KIF7: variants seen among roughly 807,000 people sequenced by gnomAD.
KIF7 encodes the protein kinesin family member 7.
In KIF7, 104 loss-of-function variants were observed where a neutral mutation model predicts 135.7. The ratio of observed to expected loss-of-function variants is 0.77; its 90% CI spans 0.65 to 0.90. KIF7 has a LOEUF of 0.90. KIF7 is among the 40% of genes least tolerant of loss of function. The pLI is 0.00. For synonymous variants in KIF7, 883 were observed against 809.4 expected (o/e 1.09, Z -1.54); for missense variants, 2,005 against 1,839.1 (o/e 1.09, Z -1.65).
downstream of KIF7, chr15:89,624,769 G>A (rs763157317): frequency 6.2e-7 from 1 of 1,614,086 alleles, no homozygotes; most frequent in Admixed American, 1.7e-5. Flanking sequence ...ATCAGTGGAA[G>A]AGGGTGAGGG....
intron 1 of KIF7, among the ~76,000 whole-genome samples, chr15:89,653,602 G>A (rs899750033): frequency 6.6e-6 from 1 of 152,136 alleles, no homozygotes; most frequent in African/African-American, 2.4e-5. Flanking sequence ...TCTTGAGACA[G>A]GGTCTCTCTC....
In KIF7 at chr15:89,635,553, G is replaced by A. The variant is rs181302575; in HGVS notation, c.2395-1670C>T. Among the ~76,000 whole-genome samples the A allele has an allele frequency of 2.0e-3, 303 of 152,292 alleles. 2 individuals are homozygous for A. The highest frequency in any genetic ancestry group is 0.01 in the East Asian group (54 of 5,188). ...ATGCAGAAGCCTCAGGAGCTGATGCGATCAACTGGAAGAAAGGGTATCAGT... is the reference window on the plus strand; with the variant it reads ...ATGCAGAAGCCTCAGGAGCTGATGCAATCAACTGGAAGAAAGGGTATCAGT... On this transcript the variant is annotated intron_variant, in intron 11 of 18. Coordinates refer to ENST00000394412, the MANE Select transcript of KIF7 (RefSeq NM_198525.3).
exon 2 of KIF7, chr15:89,618,134 T>C (rs1963365122): frequency 1.2e-6 from 2 of 1,613,650 alleles, no homozygotes; most frequent in East Asian, 4.5e-5. Context: ...GTAATCCTTG[T>C]GCATGTGGTT....
rs587780374 is a variant in KIF7, at chr15:89,648,539, G to T, written c.1159C>A (p.Arg387Ser). The change falls in exon 5 of 19, where the codon CGC (arginine) becomes AGC (serine). Residue 387 changes from arginine to serine, a missense_variant. Arg to Ser is a moderately radical substitution (Grantham distance 110). Coordinates refer to ENST00000394412, the MANE Select transcript of KIF7 (RefSeq NM_198525.3). The part of the protein sequence containing the change: ...RHRSETRIIH[R>S]GRRAPGPATA... The stretch of plus-strand genomic sequence containing the variant: ...GCTGGGCCTGGGGCGCGCCGGCCGC[G>T]GTGGATGATGCGGGTCTCGGAGCGG... 7.9e-7 allele frequency: 1 copy of T among 1,267,642 alleles called. No homozygotes were observed. The highest frequency in any genetic ancestry group is 4.1e-5 in the Admixed American group (1 of 24,554). 78.5% of individuals were successfully genotyped at this position (1,267,642 alleles called of 1,614,324 possible).
Position 89,630,267 on chromosome 15 carries a change from G to C in KIF7, c.3318+20C>G. The stretch of plus-strand genomic sequence containing the variant: ...CGTGCCGCTGAGGAGGAGCTGGGGG[G>C]CCATGGGCTGCTGGCCCACCTTGTC... On this transcript the variant is annotated intron_variant, in intron 16 of 18. Transcript: ENST00000394412. 1 of 1,610,524 alleles carries C rather than the reference G, an allele frequency of 6.2e-7. No homozygotes were observed. Among genetic ancestry groups the C allele is most frequent in the Non-Finnish European group, 8.5e-7 (1 of 1,177,076 alleles).
At chr15:89,658,953 A>G (rs886099629), upstream of KIF7, among the ~76,000 whole-genome samples, 5 of 152,196 alleles carry the variant, frequency 3.3e-5, no homozygotes, top group African/African-American at 7.2e-5. Context: ...TTAGGGGAGC[A>G]TCATCATACC....
rs1487635952 is a variant in KIF7, at chr15:89,635,607, C to A, written c.2395-1724G>T. Among the ~76,000 whole-genome samples, 17 of 151,910 alleles carry A rather than the reference C, an allele frequency of 1.1e-4. No homozygotes were observed. In the East Asian group the frequency reaches 1.2e-3, roughly 10 times the overall value. The stretch of plus-strand genomic sequence containing the variant: ...GGAATATGAAGTGAATGAAATGAAG[C>A]GAGAAGGGAAGTTTAGAGAAAAAAG... On this transcript the variant is annotated intron_variant, in intron 11 of 18. Coordinates refer to ENST00000394412, the MANE Select transcript of KIF7 (RefSeq NM_198525.3).
intron 17 of KIF7, 72 bp from the exon 18 acceptor site, chr15:89,629,194 G>GCCA: frequency 7.4e-6 from 2 of 269,256 alleles, no homozygotes; most frequent in South Asian, 5.0e-5. Flanking sequence ...TGTGGGGGTG[G>GCCA]GGGCTGTGGG....
chr15:89,656,653 G>T (rs943254501), upstream of KIF7, among the ~76,000 whole-genome samples: 1 of 152,166 alleles, frequency 6.6e-6, no homozygotes, highest in Non-Finnish European at 1.5e-5. Flanking sequence ...CAACTGATTC[G>T]TGTATCACAA....
intron 11 of KIF7, 86 bp from the exon 12 acceptor site, chr15:89,633,969 A>T: frequency 6.9e-7 from 1 of 1,446,466 alleles, no homozygotes; most frequent in Non-Finnish European, 9.7e-7. Flanking sequence ...GGGCAGGCAG[A>T]TAGAGGGCAA....
intron 1 of KIF7, among the ~76,000 whole-genome samples, chr15:89,621,211 G>T (rs571078877): frequency 8.5e-5 from 13 of 152,060 alleles, no homozygotes; most frequent in Admixed American, 7.2e-4. Context: ...AGTAGAGATG[G>T]TGTTTCGCTA....
At chr15:89,655,147 C>T (rs1964188296) in intron 1 of KIF7, among the ~76,000 whole-genome samples, 1 of 152,230 alleles carries the variant, frequency 6.6e-6, no homozygotes, top group Admixed American at 6.5e-5. Context: ...GCAGCCTTGG[C>T]GCTCGCCCCT....
downstream of KIF7, chr15:89,626,003 C>A: frequency 6.2e-7 from 1 of 1,612,048 alleles, no homozygotes; most frequent in Non-Finnish European, 8.5e-7. Flanking sequence ...AGGCTCTGAC[C>A]CAGTCTCCGC....
rs75934760 is a variant in KIF7 at position 89,621,538 on chromosome 15, T to C, written c.181-3343A>G. ...GAAACACTTTGGATTCGGAGGTACC[T>C]GCAGCTTACCAGGTATAATGTTTCT... On this transcript the variant is annotated intron_variant and NMD_transcript_variant, in intron 1 of 2. Transcript: ENST00000558928. The C allele has an allele frequency of 7.3e-3, 11,736 of 1,611,572 alleles. 579 individuals carry two copies. The African/African-American group carries it at 0.12, about 17-fold the overall frequency.
In KIF7 at chr15:89,648,124, T is replaced by C. The variant is rs12906938; in HGVS notation, c.1443+131A>G. On this transcript the variant is annotated intron_variant, in intron 5 of 18. Transcript: ENST00000394412. ...AAGTGACCACGGTAATCAGCAGAAG[T>C]GACCGAATCCCGAACGTGCCCTGCT... 0.65 allele frequency: 869,953 copies of C among 1,341,542 alleles called. 286,114 individuals carry two copies. The highest frequency in any genetic ancestry group is 0.67 in the Non-Finnish European group (704,586 of 1,044,410). 83.1% of individuals were successfully genotyped at this position (1,341,542 alleles called of 1,614,324 possible).
At chr15:89,650,740 GA>G (rs1037441624) in intron 2 of KIF7, among the ~76,000 whole-genome samples, 2 of 151,762 alleles carry the variant, frequency 1.3e-5, no homozygotes, top group Non-Finnish European at 2.9e-5. Flanking sequence ...TAAAAAGTTA[GA>G]TTTTTTTTTT....
In KIF7 at chr15:89,649,176, C is replaced by CCGGGG. The variant is rs1567067864; in HGVS notation, c.716_720dup (p.Gly241ProfsTer83). 1.3e-5 allele frequency: 20 copies of CCGGGG among 1,547,754 alleles called. No homozygotes were observed. The highest frequency in any genetic ancestry group is 4.1e-5 in the African/African-American group (3 of 73,024). On this transcript the variant is annotated frameshift_variant, in exon 4 of 19. Transcript: ENST00000394412. LOFTEE classifies it high-confidence loss of function. ...TGGAACTTGGAGACGAGCAGCTGGC[C>CCGGGG]CGGGGCGGGGCGGGGTAGGCGGCTG...
downstream of KIF7, chr15:89,623,781 A>G: frequency 6.2e-7 from 1 of 1,613,970 alleles, no homozygotes; most frequent in Non-Finnish European, 8.5e-7. Context: ...AGGAGTCCTT[A>G]AAAGACTCCT....
chr15:89,625,050 C>T (rs1963494173), downstream of KIF7: 4 of 1,613,922 alleles, frequency 2.5e-6, no homozygotes, highest in African/African-American at 1.3e-5. Context: ...AGATAGACCC[C>T]AGCTCTTCAT....
Sources: allele counts gnomAD v4.1 joint callset (sites outside exome capture counted in the v4.1 genomes callset), GRCh38; gene constraint gnomAD v4.1.1; transcripts MANE v1.5; gene names NCBI Gene and HGNC (gene_info 2026-07-23, HGNC 2026-07-21).